The following VPS53 variants were observed in gnomAD, a reference collection of about 807,000 sequenced individuals.
VPS53 encodes vacuolar protein sorting-associated protein 53 homolog.
A neutral mutation model predicts 107.0 loss-of-function variants in VPS53; 70 were observed. The ratio of observed to expected loss-of-function variants is 0.65; its 90% confidence interval spans 0.54 to 0.80. VPS53 has a LOEUF of 0.80. Among genes scored for constraint, VPS53 ranks in the 30% least tolerant of loss-of-function variants. The pLI, the probability that VPS53 is intolerant of heterozygous loss-of-function variation, is 0.00. For synonymous variants in VPS53, 409 were observed against 393.3 expected (o/e 1.04, Z -0.47); for missense variants, 917 against 1,049.4 (o/e 0.87, Z 1.74).
At chr17:542,082 G>C (rs1253533465) in intron 17 of VPS53, among the ~76,000 whole-genome samples, 1 of 152,086 alleles carries the variant, frequency 6.6e-6, no homozygotes, top group Non-Finnish European at 1.5e-5. Context: ...CTGAAGGAAC[G>C]TTTCTCAAGC....
intron 13 of VPS53, among the ~76,000 whole-genome samples, chr17:572,398 T>G (rs1914229731): frequency 6.9e-6 from 1 of 144,224 alleles, no homozygotes; most frequent in South Asian, 2.3e-4. Context: ...AGCCACCCCG[T>G]CCGGGAGGGA....
intron 7 of VPS53, among the ~76,000 whole-genome samples, chr17:640,390 G>A (rs567400970): frequency 8.0e-4 from 122 of 152,224 alleles, no homozygotes; most frequent in Non-Finnish European, 1.4e-3. Flanking sequence ...CATGTTTGGT[G>A]GGCTGCACCC....
At chr17:613,491 G>A (rs1445205968) in intron 11 of VPS53, among the ~76,000 whole-genome samples, 1 of 149,346 alleles carries the variant, frequency 6.7e-6, no homozygotes, top group African/African-American at 2.5e-5. Context: ...CACATAGTGA[G>A]TTCACACAGT....
chr17:598,785 T>G (rs1340393934), intron 12 of VPS53, among the ~76,000 whole-genome samples: 2 of 124,416 alleles, frequency 1.6e-5, no homozygotes, highest in African/African-American at 2.9e-5. Context: ...GTCTGAGAAG[T>G]GAGGAGCCTC....
intron 2 of VPS53, among the ~76,000 whole-genome samples, chr17:708,900 T>C (rs1973523932): frequency 1.3e-5 from 2 of 152,232 alleles, no homozygotes; most frequent in Admixed American, 6.5e-5. Flanking sequence ...TTTAACTATT[T>C]TCTTTATTAT....
chr17:635,166 A>G (rs554226864), intron 7 of VPS53, among the ~76,000 whole-genome samples: 2 of 152,134 alleles, frequency 1.3e-5, no homozygotes, highest in African/African-American at 2.4e-5. Flanking sequence ...GCATTTTTTC[A>G]TGTGTCTGTT....
chr17:575,862 G>A (rs1467179791), intron 13 of VPS53, among the ~76,000 whole-genome samples: 1 of 151,592 alleles, frequency 6.6e-6, no homozygotes, highest in Non-Finnish European at 1.5e-5. Flanking sequence ...TGCGTTCCCA[G>A]AGAACTTCCC....
intron 6 of VPS53, 98 bp downstream of exon 6, chr17:655,740 T>G: frequency 3.5e-5 from 41 of 1,157,572 alleles, no homozygotes; most frequent in Non-Finnish European, 4.7e-5. Flanking sequence ...GGCAGGATGG[T>G]GAGACTTTCC....
At chr17:592,380 G>A (rs1394226585) in intron 12 of VPS53, among the ~76,000 whole-genome samples, 1 of 152,098 alleles carries the variant, frequency 6.6e-6, no homozygotes. Context: ...GGAGCATTTA[G>A]TCCATTTACA....
intron 12 of VPS53, among the ~76,000 whole-genome samples, chr17:594,503 T>C (rs977278617): frequency 6.7e-6 from 1 of 149,538 alleles, no homozygotes; most frequent in African/African-American, 2.5e-5. Flanking sequence ...CTGGATCAAT[T>C]TCCTGGTTTA....
At position 669,592 on chromosome 17, in the gene VPS53, T is replaced by TAAAA. The variant is rs200157618; in HGVS notation, c.286-7701_286-7698dup. Reference sequence around the variant, plus strand: ...TGGGTGACAGAGACATACTCTGTCTTAAAAAAAAAAAAAAAATTAGGCCAG... The same window carrying TAAAA: ...TGGGTGACAGAGACATACTCTGTCTTAAAAAAAAAAAAAAAAAAAATTAGGCCAG... On this transcript the variant is annotated intron_variant, in intron 4 of 21. Coordinates refer to ENST00000437048, the MANE Select transcript of VPS53 (RefSeq NM_001128159.3). Among the ~76,000 whole-genome samples, 577 of 110,250 alleles carry TAAAA rather than the reference T, an allele frequency of 5.2e-3. 22 individuals are homozygous for TAAAA. The highest frequency in any genetic ancestry group is 8.0e-3 in the Non-Finnish European group (426 of 53,572). The allele number at this position is 110,250 out of a possible 152,430, so 72.3% of individuals were successfully genotyped here.
chr17:628,233 TAGTAAA>T lies in VPS53; in HGVS notation c.688-8_688-3del. 6.2e-7 allele frequency: 1 copy of T among 1,613,116 alleles called. No homozygotes were observed. Among genetic ancestry groups the T allele is most frequent in the East Asian group, 2.2e-5 (1 of 44,854 alleles). ...AACATTGCTGGGTCCTCCTGGTCTC[TAGTAAA>T]ACAAACATGTACCAGGTGAAAAGCC... On this transcript the variant is annotated splice_region_variant and splice_polypyrimidine_tract_variant and intron_variant, in intron 8 of 21. Coordinates refer to ENST00000437048, the MANE Select transcript of VPS53 (RefSeq NM_001128159.3).
chr17:570,093 G>A (rs936831484), intron 13 of VPS53, among the ~76,000 whole-genome samples: 3 of 152,000 alleles, frequency 2.0e-5, no homozygotes, highest in African/African-American at 4.8e-5. Flanking sequence ...TAGGCTGGCC[G>A]TGGTAGCTCA....
intron 4 of VPS53, among the ~76,000 whole-genome samples, chr17:669,506 T>C (rs1019649308): frequency 6.7e-6 from 1 of 150,000 alleles, no homozygotes; most frequent in African/African-American, 2.4e-5. Flanking sequence ...GGCATGAGAA[T>C]CACTTGAGCC....
intron 13 of VPS53, among the ~76,000 whole-genome samples, chr17:568,667 G>C (rs1913775685): frequency 1.3e-5 from 2 of 152,222 alleles, no homozygotes; most frequent in Non-Finnish European, 2.9e-5. Flanking sequence ...GGTGTGGCTT[G>C]AGCACAGCTG....
intron 2 of VPS53, 72 bp downstream of exon 2, chr17:710,461 T>TA: frequency 8.4e-7 from 1 of 1,196,152 alleles, no homozygotes; most frequent in Non-Finnish European, 1.2e-6. Context: ...TGATCTAGTG[T>TA]AACACACGAA....
At chr17:680,959 T>C (rs547956258) in intron 4 of VPS53, among the ~76,000 whole-genome samples, 20 of 152,380 alleles carry the variant, frequency 1.3e-4, no homozygotes, top group African/African-American at 4.3e-4. Flanking sequence ...TTATATCTAC[T>C]GACATATACC....
intron 12 of VPS53, among the ~76,000 whole-genome samples, chr17:586,787 C>A (rs1017188631): frequency 5.9e-5 from 9 of 152,194 alleles, no homozygotes; most frequent in Non-Finnish European, 1.3e-4. Context: ...AATAATCCTT[C>A]ATGTAGGTAT....
At chr17:599,003 G>T (rs1461711691) in intron 12 of VPS53, among the ~76,000 whole-genome samples, 2 of 113,308 alleles carry the variant, frequency 1.8e-5, no homozygotes, top group African/African-American at 6.6e-5. Context: ...AGGTGGGGGG[G>T]GGGGTCAGCC....
Sources: gnomAD v4.1 joint callset for allele counts (sites outside exome capture counted in the v4.1 genomes callset) on GRCh38, gnomAD v4.1.1 for gene constraint, MANE v1.5 for transcripts, NCBI Gene and HGNC (gene_info 2026-07-23, HGNC 2026-07-21) for gene names.